Variants in GRIK2 observed in about 807,000 individuals in gnomAD.
The protein encoded by GRIK2 is glutamate ionotropic receptor kainate type subunit 2.
In GRIK2, 32 loss-of-function variants were observed where a neutral mutation model predicts 100.3. That is an observed-to-expected ratio of 0.32 (90% CI 0.24 to 0.43). The LOEUF is 0.43. Among genes scored for constraint, GRIK2 ranks in the 20% least tolerant of loss-of-function variants. The probability of loss-of-function intolerance (pLI) is 1.00; values close to 1 mark genes in which losing one functional copy is unlikely to be tolerated. For missense variants in GRIK2, 843 were observed against 1,114.9 expected, an observed-to-expected ratio of 0.76 and a Z score of 3.47; for synonymous variants, 417 against 389.4, an observed-to-expected ratio of 1.07 and a Z score of -0.83.
intron 14 of GRIK2, among the ~76,000 whole-genome samples, chr6:101,959,508 A>T (rs189659382): frequency 3.4e-4 from 51 of 152,050 alleles, no homozygotes; most frequent in African/African-American, 1.2e-3. Context: ...ATCTATCAAT[A>T]TTGTTTATGA....
chr6:101,758,839 G>A (rs1484231466), intron 7 of GRIK2, among the ~76,000 whole-genome samples: 2 of 151,994 alleles, frequency 1.3e-5, no homozygotes, highest in East Asian at 3.9e-4. Flanking sequence ...GTCTTACATA[G>A]GAAAGCTTTT....
At chr6:101,849,042 G>C (rs577028237) in intron 10 of GRIK2, among the ~76,000 whole-genome samples, 1 of 151,672 alleles carries the variant, frequency 6.6e-6, no homozygotes, top group East Asian at 2.0e-4. Flanking sequence ...TTAGATGCCT[G>C]AAATCAAATA....
intron 2 of GRIK2, among the ~76,000 whole-genome samples, chr6:101,577,838 G>A (rs748669917): frequency 3.3e-5 from 5 of 152,110 alleles, no homozygotes; most frequent in Admixed American, 6.6e-5. Context: ...GAGAGAGAAG[G>A]GACCAAAGGA....
intron 14 of GRIK2, among the ~76,000 whole-genome samples, chr6:102,013,098 C>T (rs1243405672): frequency 6.6e-6 from 1 of 152,010 alleles, no homozygotes; most frequent in Non-Finnish European, 1.5e-5. Flanking sequence ...TTTGTGTCAT[C>T]TTTGATTTCT....
intron 2 of GRIK2, among the ~76,000 whole-genome samples, chr6:101,514,988 C>T (rs758834838): frequency 6.6e-6 from 1 of 151,936 alleles, no homozygotes; most frequent in Non-Finnish European, 1.5e-5. Context: ...GATTTTAGTG[C>T]ACCCATCACC....
At chr6:101,785,805 T>C (rs1355782367) in intron 7 of GRIK2, among the ~76,000 whole-genome samples, 2 of 152,166 alleles carry the variant, frequency 1.3e-5, no homozygotes, top group Non-Finnish European at 2.9e-5. Context: ...ATTCAGGCTG[T>C]TTTGGTTCCA....
chr6:102,051,637 C>A (rs1310297995), intron 15 of GRIK2, among the ~76,000 whole-genome samples: 1 of 151,736 alleles, frequency 6.6e-6, no homozygotes, highest in Non-Finnish European at 1.5e-5. Context: ...ATATGGTCAC[C>A]CTGTGACCAT....
chr6:101,661,656 G>A (rs1430022759), intron 4 of GRIK2, among the ~76,000 whole-genome samples: 1 of 152,156 alleles, frequency 6.6e-6, no homozygotes, highest in Non-Finnish European at 1.5e-5. Flanking sequence ...TGTGGGAAAA[G>A]CATAGTATCT....
At position 101,985,861 on chromosome 6, in the gene GRIK2, G is replaced by A. The variant is rs190970515; in HGVS notation, c.2086-49480G>A. Among the ~76,000 whole-genome samples the A allele has an allele frequency of 1.6e-3, 248 of 151,802 alleles. 1 individual carries two copies. The highest frequency in any genetic ancestry group is 1.5e-3 in the Non-Finnish European group (102 of 67,794). ...TAAACATATCTGGAAATTAATTCAT[G>A]TCAAATTTTGTGTATATATAATATT... On this transcript the variant is annotated intron_variant, in intron 14 of 16. Coordinates refer to ENST00000369134, the MANE Select transcript of GRIK2 (RefSeq NM_021956.5).
intron 12 of GRIK2, among the ~76,000 whole-genome samples, chr6:101,904,182 C>T (rs1356389286): frequency 6.7e-6 from 1 of 149,456 alleles, no homozygotes; most frequent in Non-Finnish European, 1.5e-5. Flanking sequence ...ATTTTTTTAT[C>T]TTCATCGTAC....
chr6:101,687,744 A>G (rs957244850), intron 7 of GRIK2, among the ~76,000 whole-genome samples: 7 of 151,838 alleles, frequency 4.6e-5, no homozygotes, highest in Non-Finnish European at 7.4e-5. Flanking sequence ...GTTTTAAAAG[A>G]AACACTATAG....
chr6:101,689,360 T>C (rs1282705673), intron 7 of GRIK2, among the ~76,000 whole-genome samples: 1 of 152,122 alleles, frequency 6.6e-6, no homozygotes, highest in East Asian at 1.9e-4. Context: ...CATAATCATT[T>C]GCCATTGTGT....
At chr6:101,662,549 C>A (rs1769706749) in intron 4 of GRIK2, among the ~76,000 whole-genome samples, 1 of 152,106 alleles carries the variant, frequency 6.6e-6, no homozygotes, top group African/African-American at 2.4e-5. Flanking sequence ...AGCTACTGGT[C>A]AGCCTCACCT....
intron 8 of GRIK2, among the ~76,000 whole-genome samples, chr6:101,801,539 G>C (rs1169060200): frequency 6.6e-6 from 1 of 151,632 alleles, no homozygotes; most frequent in Non-Finnish European, 1.5e-5. Context: ...TACTTCTTTT[G>C]GGTCTTGGTT....
intron 2 of GRIK2, among the ~76,000 whole-genome samples, chr6:101,418,901 T>A (rs1295661013): frequency 6.6e-6 from 1 of 152,208 alleles, no homozygotes; most frequent in Non-Finnish European, 1.5e-5. Flanking sequence ...AGGGTCACTA[T>A]GACATGGCGA....
chr6:101,633,874 G>T (rs1445262078), intron 4 of GRIK2, among the ~76,000 whole-genome samples: 2 of 152,010 alleles, frequency 1.3e-5, no homozygotes, highest in Admixed American at 6.6e-5. Context: ...TTTGCCCAAG[G>T]TTACATACAT....
At chr6:101,963,112 T>A (rs1227001948) in intron 14 of GRIK2, among the ~76,000 whole-genome samples, 1 of 151,572 alleles carries the variant, frequency 6.6e-6, no homozygotes, top group Admixed American at 6.6e-5. Flanking sequence ...CTAATGTCTC[T>A]TTTGTCCTCT....
At chr6:101,653,071 C>T (rs1562286726) in intron 4 of GRIK2, among the ~76,000 whole-genome samples, 1 of 152,070 alleles carries the variant, frequency 6.6e-6, no homozygotes. Context: ...TGGAAAATGT[C>T]AAGACGTGCT....
At chr6:101,808,037 A>G (rs764579401) in intron 9 of GRIK2, among the ~76,000 whole-genome samples, 5 of 152,172 alleles carry the variant, frequency 3.3e-5, no homozygotes, top group Non-Finnish European at 5.9e-5. Context: ...ATGTGTAACC[A>G]GGATGTAACT....
Sources: allele counts gnomAD v4.1 joint callset (sites outside exome capture counted in the v4.1 genomes callset), GRCh38; gene constraint gnomAD v4.1.1; transcripts MANE v1.5; gene names NCBI Gene and HGNC (gene_info 2026-07-23, HGNC 2026-07-21).